The following PKNOX2 variants were observed in gnomAD, a reference collection of about 807,000 sequenced individuals.
The protein encoded by PKNOX2 is homeobox protein PKNOX2.
Under a neutral mutation model 53.1 loss-of-function variants are expected in PKNOX2, and 14 were observed. The observed-to-expected ratio is 0.26, with a 90% confidence interval of 0.17 to 0.41. PKNOX2 has a LOEUF of 0.41. Ranked by LOEUF, PKNOX2 falls within the 10% of genes least tolerant of loss-of-function variation. The probability of loss-of-function intolerance (pLI) is 1.00; values close to 1 mark genes in which losing one functional copy is unlikely to be tolerated. For synonymous variants in PKNOX2, 257 were observed against 242.8 expected, an observed-to-expected ratio of 1.06 and a Z score of -0.54; for missense variants, 496 against 602.8, an observed-to-expected ratio of 0.82 and a Z score of 1.85.
chr11:125,241,884 AAGAG>A (rs916429769), intron 2 of PKNOX2, among the ~76,000 whole-genome samples: 6 of 151,628 alleles, frequency 4.0e-5, no homozygotes, highest in African/African-American at 9.7e-5. Context: ...TGAACAAAAA[AAGAG>A]AGAGAGAGAG....
chr11:125,376,969 C>A (rs1208953714), intron 5 of PKNOX2, among the ~76,000 whole-genome samples: 1 of 152,230 alleles, frequency 6.6e-6, no homozygotes, highest in African/African-American at 2.4e-5. Context: ...TCTCCCTCCT[C>A]TTTCTGGGCC....
intron 2 of PKNOX2, chr11:125,287,766 C>T (rs1431567893): frequency 6.6e-6 from 1 of 152,280 alleles, no homozygotes; most frequent in Non-Finnish European, 1.5e-5. Flanking sequence ...TTATGGAAGC[C>T]CTTCACGCTT....
At chr11:125,296,738 C>T (rs1249930067) in intron 2 of PKNOX2, among the ~76,000 whole-genome samples, 5 of 152,122 alleles carry the variant, frequency 3.3e-5, no homozygotes, top group African/African-American at 9.7e-5. Context: ...TGGGTTCAAG[C>T]GATTCTCCTG....
chr11:125,415,406 A>G (rs1255272204), intron 10 of PKNOX2, among the ~76,000 whole-genome samples: 1 of 151,978 alleles, frequency 6.6e-6, no homozygotes, highest in African/African-American at 2.4e-5. Context: ...GTCTACCACC[A>G]TGCTTGGCTA....
intron 2 of PKNOX2, among the ~76,000 whole-genome samples, chr11:125,267,698 CTG>C (rs369837367): frequency 1.9e-4 from 29 of 151,918 alleles, no homozygotes; most frequent in African/African-American, 6.3e-4. Flanking sequence ...TGGAGGAAGC[CTG>C]TGTGTGTGTG....
chr11:125,216,672 C>A (rs903063263), intron 1 of PKNOX2, among the ~76,000 whole-genome samples: 1 of 152,194 alleles, frequency 6.6e-6, no homozygotes, highest in Admixed American at 6.5e-5. Context: ...TCTGCCCCAG[C>A]GCTCTGGATT....
Position 125,347,805 on chromosome 11 carries a change from G to GAACAA in PKNOX2, c.-22-3462_-22-3458dup, listed in dbSNP as rs200378292. Among the ~76,000 whole-genome samples, 1,162 of 152,246 alleles carry GAACAA rather than the reference G, an allele frequency of 7.6e-3. 15 individuals carry two copies. The highest frequency in any genetic ancestry group is 0.026 in the African/African-American group (1,066 of 41,536). On this transcript the variant is annotated intron_variant, in intron 3 of 12. Coordinates refer to ENST00000298282, the MANE Select transcript of PKNOX2 (RefSeq NM_001382323.2). ...TCATATCATAAAGGTTTTCAGCACT[G>GAACAA]AACAAAACAAAACAAAACAAATCAA...
At position 125,410,838 on chromosome 11, in the gene PKNOX2, G is replaced by A; in HGVS notation, c.778G>A (p.Ala260Thr). The change falls in exon 9 of 13, where the codon GCA becomes ACA. Residue 260 changes from alanine (A) to threonine (T), a missense_variant. Around this residue, in one of 5 missense-constraint regions of PKNOX2, gnomAD observed 141 missense variants for 143.9 expected, o/e 0.98. Coordinates refer to ENST00000298282, the MANE Select transcript of PKNOX2 (RefSeq NM_001382323.2). ...VTSQGQVVTQAIPQGAIQIQN... is the reference protein window; with the variant it reads ...VTSQGQVVTQTIPQGAIQIQN... The stretch of plus-strand genomic sequence containing the variant: ...CTCCCAGGGTCAGGTGGTCACCCAA[G>A]CAATCCCCCAGGGAGCCATCCAGAT... 4 of 1,614,080 alleles carry A rather than the reference G, an allele frequency of 2.5e-6. No individual in the cohort carries two copies. The highest frequency in any genetic ancestry group is 1.1e-5 in the South Asian group (1 of 91,078).
chr11:125,341,004 C>T (rs1950653483), intron 3 of PKNOX2, among the ~76,000 whole-genome samples: 1 of 137,550 alleles, frequency 7.3e-6, no homozygotes, highest in Non-Finnish European at 1.5e-5. Flanking sequence ...GAGCCAAGAT[C>T]ACACCACTGC....
At chr11:125,265,003 T>A (rs1945199431) in intron 2 of PKNOX2, among the ~76,000 whole-genome samples, 1 of 152,058 alleles carries the variant, frequency 6.6e-6, no homozygotes, top group South Asian at 2.1e-4. Context: ...GTTACAGGGC[T>A]TATGGCCGGG....
intron 4 of PKNOX2, among the ~76,000 whole-genome samples, chr11:125,361,317 G>C (rs1951912165): frequency 6.6e-6 from 1 of 152,214 alleles, no homozygotes. Context: ...AGAGGAGCCT[G>C]GCCTGGTTCT....
At chr11:125,338,496 C>T (rs1202784957) in intron 3 of PKNOX2, among the ~76,000 whole-genome samples, 1 of 152,136 alleles carries the variant, frequency 6.6e-6, no homozygotes, top group Non-Finnish European at 1.5e-5. Context: ...AAGAGTAGCC[C>T]CGTTTCCTTC....
intron 2 of PKNOX2, among the ~76,000 whole-genome samples, chr11:125,311,800 C>T (rs1400997126): frequency 1.3e-5 from 2 of 152,146 alleles, no homozygotes; most frequent in African/African-American, 4.8e-5. Context: ...CTCATCAGCA[C>T]CTCCTCCAAG....
intron 3 of PKNOX2, among the ~76,000 whole-genome samples, chr11:125,341,675 G>A (rs962880073): frequency 2.0e-5 from 3 of 152,268 alleles, no homozygotes; most frequent in Non-Finnish European, 4.4e-5. Flanking sequence ...TCATGGAACA[G>A]TAGGCTTTGG....
chr11:125,263,836 TTGTC>T (rs1318448490), intron 2 of PKNOX2, among the ~76,000 whole-genome samples: 1 of 152,200 alleles, frequency 6.6e-6, no homozygotes, highest in Admixed American at 6.5e-5. Context: ...TGTCAGGTCT[TTGTC>T]TGAATCTGGA....
intron 2 of PKNOX2, among the ~76,000 whole-genome samples, chr11:125,328,342 A>C (rs1949944037): frequency 6.7e-6 from 1 of 149,278 alleles, no homozygotes; most frequent in African/African-American, 2.6e-5. Context: ...GGGGAGAGAG[A>C]GAGAAAGAGA....
intron 10 of PKNOX2, among the ~76,000 whole-genome samples, chr11:125,416,305 A>G (rs1178115125): frequency 1.5e-4 from 8 of 54,706 alleles, no homozygotes; most frequent in African/African-American, 5.1e-4. Context: ...GCCGTCTCAA[A>G]AAAAAAAAAA....
At chr11:125,351,587 A>C (rs1427067879) in intron 4 of PKNOX2, among the ~76,000 whole-genome samples, 195 bp downstream of exon 4, 2 of 152,172 alleles carry the variant, frequency 1.3e-5, no homozygotes, top group Non-Finnish European at 2.9e-5. Flanking sequence ...CCCCGAGGGC[A>C]GTCACCAGGT....
intron 1 of PKNOX2, 106 bp downstream of exon 1, chr11:125,164,882 T>C: frequency 6.1e-6 from 1 of 164,418 alleles, no homozygotes. Context: ...GTGTGTTTTA[T>C]TCCAGTCCCC....
Sources: gnomAD v4.1 joint callset for allele counts (sites outside exome capture counted in the v4.1 genomes callset) on GRCh38, gnomAD v4.1.1 for gene constraint, gnomAD v4.1.1 regional missense constraint, MANE v1.5 for transcripts, NCBI Gene and HGNC (gene_info 2026-07-23, HGNC 2026-07-21) for gene names.